DPYD: variants seen among roughly 807,000 people sequenced by gnomAD.
DPYD encodes the protein dihydropyrimidine dehydrogenase [NADP(+)].
DPYD carries 109 observed loss-of-function variants against 116.2 expected under a neutral mutation model. That is an observed-to-expected ratio of 0.94 (90% CI 0.80 to 1.10). The LOEUF (loss-of-function observed/expected upper bound fraction) is 1.10, where lower values mean the gene tolerates loss of function less well. DPYD is among the 50% of genes least tolerant of loss of function. The probability of loss-of-function intolerance (pLI) is 0.00; values close to 1 mark genes in which losing one functional copy is unlikely to be tolerated. For missense variants in DPYD, 1,302 were observed against 1,254.5 expected, an observed-to-expected ratio of 1.04 and a Z score of -0.57; for synonymous variants, 440 against 432.0, an observed-to-expected ratio of 1.02 and a Z score of -0.23.
intron 16 of DPYD, among the ~76,000 whole-genome samples, chr1:97,361,223 G>C (rs931868567): frequency 1.7e-4 from 26 of 152,052 alleles, no homozygotes; most frequent in Admixed American, 3.9e-4. Context: ...ATAAATTCCT[G>C]GACACATACA....
At position 97,427,544 on chromosome 1, in the gene DPYD, C is replaced by T. The variant is rs576227208; in HGVS notation, c.1905+22515G>A. ...TAAAACTCTTACCCTAATCTTCATG[C>T]CCCAAGTGCAATGTGACCTGTCTAG... is the stretch of plus-strand genomic sequence containing the variant. On this transcript the variant is annotated intron_variant, in intron 14 of 22. Transcript: ENST00000370192. 2.5e-3 allele frequency among the ~76,000 whole-genome samples: 374 copies of T among 152,098 alleles called. 2 individuals are homozygous for T. The highest frequency in any genetic ancestry group is 8.7e-3 in the African/African-American group (360 of 41,488).
intron 5 of DPYD, among the ~76,000 whole-genome samples, chr1:97,705,795 G>C (rs982556904): frequency 3.9e-5 from 6 of 152,074 alleles, no homozygotes; most frequent in Non-Finnish European, 8.8e-5. Flanking sequence ...TCCAGCACCT[G>C]TTGTTTCCTG....
chr1:97,390,902 G>C (rs1672656448), intron 14 of DPYD, among the ~76,000 whole-genome samples: 1 of 151,710 alleles, frequency 6.6e-6, no homozygotes, highest in South Asian at 2.1e-4. Flanking sequence ...ATCTCCCCAA[G>C]GTTAACAGTG....
chr1:97,284,152 A>C (rs1430719627), intron 18 of DPYD, among the ~76,000 whole-genome samples: 1 of 152,142 alleles, frequency 6.6e-6, no homozygotes, highest in Non-Finnish European at 1.5e-5. Flanking sequence ...ATGATACGTC[A>C]CTTCTTTCAT....
At chr1:97,876,429 G>A (rs530323820) in intron 2 of DPYD, among the ~76,000 whole-genome samples, 12 of 152,050 alleles carry the variant, frequency 7.9e-5, no homozygotes, top group South Asian at 2.1e-4. Context: ...TTAGGATCAC[G>A]CAAGTAATGT....
At chr1:97,589,986 T>G (rs1016351755) in intron 10 of DPYD, among the ~76,000 whole-genome samples, 1 of 152,182 alleles carries the variant, frequency 6.6e-6, no homozygotes, top group Admixed American at 6.5e-5. Context: ...TTCTTCATAT[T>G]GGCTAAAAAT....
chr1:97,453,273 T>C (rs1374702027), intron 13 of DPYD, among the ~76,000 whole-genome samples: 1 of 152,130 alleles, frequency 6.6e-6, no homozygotes, highest in Non-Finnish European at 1.5e-5. Context: ...CCCATTCAGA[T>C]ACAATACAAC....
At chr1:97,557,961 T>C (rs868717470) in intron 11 of DPYD, among the ~76,000 whole-genome samples, 2 of 152,178 alleles carry the variant, frequency 1.3e-5, no homozygotes, top group Non-Finnish European at 2.9e-5. Context: ...AATCCAATTA[T>C]TTCATCTCCA....
intron 16 of DPYD, among the ~76,000 whole-genome samples, chr1:97,331,253 C>T (rs558620389): frequency 3.3e-5 from 5 of 152,090 alleles, no homozygotes; most frequent in African/African-American, 1.2e-4. Context: ...ACAGGAGGAT[C>T]GCTTGAGGCC....
chr1:97,410,207 A>G (rs1673903869), intron 14 of DPYD, among the ~76,000 whole-genome samples: 1 of 152,100 alleles, frequency 6.6e-6, no homozygotes, highest in South Asian at 2.1e-4. Flanking sequence ...CTGCAGCTGA[A>G]ATGTAAGCTC....
At chr1:97,527,901 G>T (rs1010446021) in intron 12 of DPYD, among the ~76,000 whole-genome samples, 4 of 151,676 alleles carry the variant, frequency 2.6e-5, no homozygotes, top group Non-Finnish European at 5.9e-5. Flanking sequence ...TATGTTCCAT[G>T]CAATTCAAAA....
chr1:97,691,683 G>T, intron 7 of DPYD, 34 bp downstream of exon 7: 1 of 1,554,094 alleles, frequency 6.4e-7, no homozygotes. Flanking sequence ...CTTTCTTTTT[G>T]AGCAGTACAC....
At chr1:97,790,328 A>C in intron 3 of DPYD, among the ~76,000 whole-genome samples, 1 of 152,320 alleles carries the variant, frequency 6.6e-6, no homozygotes, top group South Asian at 2.1e-4. Flanking sequence ...TTCTTGCATA[A>C]GAAAGAGAGG....
chr1:97,685,380 A>G (rs1660662008), intron 7 of DPYD, among the ~76,000 whole-genome samples: 1 of 152,182 alleles, frequency 6.6e-6, no homozygotes, highest in South Asian at 2.1e-4. Flanking sequence ...ACCCACAGCC[A>G]ATATCATACC....
intron 18 of DPYD, chr1:97,265,427 C>CT (rs1208814646): frequency 6.6e-6 from 1 of 152,188 alleles, no homozygotes; most frequent in Non-Finnish European, 1.5e-5. Context: ...TCCCTGCTTC[C>CT]TGTCTGCTCA....
At chr1:97,775,980 GTA>G (rs1470850426) in intron 3 of DPYD, among the ~76,000 whole-genome samples, 1 of 151,990 alleles carries the variant, frequency 6.6e-6, no homozygotes, top group East Asian at 1.9e-4. Context: ...CATATTAGGT[GTA>G]TATATGTATA....
intron 19 of DPYD, among the ~76,000 whole-genome samples, chr1:97,211,905 A>G (rs1290990386): frequency 6.6e-6 from 1 of 152,116 alleles, no homozygotes; most frequent in Admixed American, 6.6e-5. Context: ...ACTTTGAAGA[A>G]ATAGAACTCC....
intron 14 of DPYD, among the ~76,000 whole-genome samples, chr1:97,396,295 T>C (rs1166189102): frequency 1.3e-5 from 2 of 152,028 alleles, no homozygotes; most frequent in South Asian, 2.1e-4. Context: ...TAAGAGTAGA[T>C]ACAAAGCTTG....
intron 4 of DPYD, among the ~76,000 whole-genome samples, chr1:97,734,591 G>A (rs190126490): frequency 3.3e-5 from 5 of 151,772 alleles, no homozygotes; most frequent in South Asian, 4.2e-4. Context: ...AATATCTACC[G>A]CACTTTTCCA....
Sources: gnomAD v4.1 joint callset for allele counts (sites outside exome capture counted in the v4.1 genomes callset) on GRCh38, gnomAD v4.1.1 for gene constraint, MANE v1.5 for transcripts, NCBI Gene and HGNC (gene_info 2026-07-23, HGNC 2026-07-21) for gene names.